The following CTR9 variants were observed in gnomAD, a reference collection of about 807,000 sequenced individuals.
The protein encoded by CTR9 is CTR9 component of Paf1/RNA polymerase II complex, also known as RNA polymerase-associated protein CTR9 homolog.
Under a neutral mutation model 152.1 loss-of-function variants are expected in CTR9, and 41 were observed. The observed-to-expected ratio is 0.27, with a 90% CI of 0.21 to 0.35. The LOEUF (loss-of-function observed/expected upper bound fraction) is 0.35, where lower values mean the gene tolerates loss of function less well. CTR9 is among the 10% of genes least tolerant of loss of function. CTR9 has a pLI of 1.00. For synonymous variants in CTR9, 476 were observed against 496.2 expected (o/e 0.96, Z 0.54); for missense variants, 917 against 1,424.4 (o/e 0.64, Z 5.73).
At chr11:10,772,947 A>T (rs1240275562) in intron 20 of CTR9, among the ~76,000 whole-genome samples, 180 bp from the exon 21 acceptor site, 2 of 152,084 alleles carry the variant, frequency 1.3e-5, no homozygotes, top group African/African-American at 4.8e-5. Context: ...GAATCACTTG[A>T]ACCTGGGAGG....
chr11:10,767,694 A>G lies in CTR9; in HGVS notation c.1687-112A>G. On this transcript the variant is annotated intron_variant, in intron 13 of 24. Coordinates refer to ENST00000361367, the MANE Select transcript of CTR9 (RefSeq NM_014633.5). This position sits in a 1 kb window ranked among gnomAD's most constrained non-coding sequence, Gnocchi z 4.0. ...AGAAAGAAAGAAAAGAAAGAAAACC[A>G]CTGTTGTAATATAGTTTGTAAACCT... The G allele has an allele frequency of 1.1e-6, 1 of 885,436 alleles. No individual in the cohort carries two copies. The highest frequency in any genetic ancestry group is 1.7e-5 in the African/African-American group (1 of 58,976). The allele number at this position is 885,436 out of a possible 1,614,324, so 54.8% of individuals were successfully genotyped here.
intron 24 of CTR9, among the ~76,000 whole-genome samples, chr11:10,777,189 G>T (rs61871740): frequency 3.3e-5 from 5 of 151,960 alleles, no homozygotes; most frequent in Non-Finnish European, 7.4e-5. Context: ...GGAGGCTAAG[G>T]CTTCTGGTGG....
At chr11:10,754,354 TCAACTAGATAAG>T (rs1862851780) in intron 2 of CTR9, among the ~76,000 whole-genome samples, 1 of 152,212 alleles carries the variant, frequency 6.6e-6, no homozygotes, top group Admixed American at 6.5e-5. Context: ...TAGTTAGAAA[TCAACTAGATAAG>T]CAGCAGATTG....
intron 24 of CTR9, among the ~76,000 whole-genome samples, chr11:10,778,354 C>G (rs1338873211): frequency 6.6e-6 from 1 of 152,176 alleles, no homozygotes; most frequent in Admixed American, 6.5e-5. Context: ...TGTATCCCTT[C>G]CTTTTCATAA....
chr11:10,752,110 G>C (rs1027794948), intron 1 of CTR9, among the ~76,000 whole-genome samples: 4 of 152,042 alleles, frequency 2.6e-5, no homozygotes, highest in African/African-American at 9.7e-5. Context: ...TTTTGTTTGA[G>C]ATATAATATT....
chr11:10,764,769 T>G (rs370534170), intron 12 of CTR9, 38 bp downstream of exon 12: 2 of 1,514,540 alleles, frequency 1.3e-6, no homozygotes, highest in Non-Finnish European at 1.8e-6. Context: ...TGAAATCCGT[T>G]CATTCCCACA....
chr11:10,751,538 A>G, intron 1 of CTR9, 81 bp downstream of exon 1: 2 of 1,348,718 alleles, frequency 1.5e-6, no homozygotes, highest in Middle Eastern at 1.9e-4. Context: ...TTCGTTTCTG[A>G]AGCGAGAGCA....
intron 24 of CTR9, 146 bp downstream of exon 24, chr11:10,775,779 T>A (rs1167637640): frequency 4.0e-5 from 21 of 524,050 alleles, no homozygotes; most frequent in Non-Finnish European, 6.5e-5. Context: ...ACTTGAAAAT[T>A]GGAGGAAATA....
intron 21 of CTR9, 124 bp from the exon 22 acceptor site, chr11:10,773,884 CAAAA>C (rs11386264): frequency 8.1e-4 from 327 of 402,270 alleles, no homozygotes; most frequent in South Asian, 1.7e-3. Flanking sequence ...GACTTCATCT[CAAAA>C]AAAAAAAAAA....
chr11:10,754,581 C>G (rs771615211), intron 2 of CTR9, among the ~76,000 whole-genome samples: 1 of 152,166 alleles, frequency 6.6e-6, no homozygotes, highest in Non-Finnish European at 1.5e-5. Flanking sequence ...AAGTCCCCCA[C>G]CCCACCCCTA....
intron 24 of CTR9, 122 bp from the exon 25 acceptor site, chr11:10,778,557 C>T (rs1400368043): frequency 4.7e-6 from 4 of 846,550 alleles, no homozygotes; most frequent in Non-Finnish European, 7.3e-6. Context: ...ACCTGTGTAA[C>T]CACTATTTAG....
intron 23 of CTR9, 78 bp downstream of exon 23, chr11:10,775,381 T>G: frequency 7.0e-7 from 1 of 1,435,150 alleles, no homozygotes; most frequent in Non-Finnish European, 9.7e-7. Context: ...ATTCTTTCCT[T>G]GCAGCTTTCT....
In CTR9 at chr11:10,752,782, T is replaced by C. The variant is rs1564963930; in HGVS notation, c.144+12T>C. The C allele has an allele frequency of 8.8e-6, 14 of 1,598,370 alleles. No individual in the cohort carries two copies. The highest frequency in any genetic ancestry group is 1.2e-5 in the Non-Finnish European group (14 of 1,167,924). ...GGATTGCTTTGGCGGTCAGTATTCATGTAGCAAATATTTTTTATTTGTTGA... is the reference window on the plus strand; with the variant it reads ...GGATTGCTTTGGCGGTCAGTATTCACGTAGCAAATATTTTTTATTTGTTGA... On this transcript the variant is annotated intron_variant, in intron 2 of 24. Transcript: ENST00000361367.
rs202173615 is a variant in CTR9, at chr11:10,763,839, A to G, written c.1154A>G (p.Tyr385Cys). Residue 385 changes from tyrosine to cysteine, a missense_variant, in exon 9 of 25, where the codon TAT becomes TGT. Physicochemically the swap from Tyr to Cys is radical, Grantham distance 194 (BLOSUM62 -2). This residue lies in a region of CTR9 where 133 missense variants were observed against 244.1 expected (regional missense o/e 0.54). Transcript: ENST00000361367. Reference protein sequence around the residue: ...YETMKILGSLYAASEDQEKRD... With the variant: ...YETMKILGSLCAASEDQEKRD... ...ACTATGAAAATTCTCGGCTCTCTCT[A>G]TGCTGCCTCAGAAGATCAAGAAAAA... 31 of 1,612,872 alleles carry G rather than the reference A, an allele frequency of 1.9e-5. No homozygotes were observed. The Admixed American group carries it at 3.3e-4, about 17-fold the overall frequency.
chr11:10,767,720 C>T lies in CTR9; in HGVS notation c.1687-86C>T. ...CTGTTGTAATATAGTTTGTAAACCT[C>T]TTCAGTAATCAGCTATTGTGGGAAG... On this transcript the variant is annotated intron_variant, in intron 13 of 24. Coordinates refer to ENST00000361367, the MANE Select transcript of CTR9 (RefSeq NM_014633.5). This position sits in a 1 kb window ranked among gnomAD's most constrained non-coding sequence, Gnocchi z 4.0. The T allele has an allele frequency of 2.6e-6, 3 of 1,169,974 alleles. No individual in the cohort carries two copies. Among genetic ancestry groups the T allele is most frequent in the Non-Finnish European group, 3.7e-6 (3 of 802,116 alleles). 72.5% of individuals were successfully genotyped at this position (1,169,974 alleles called of 1,614,324 possible).
rs143951897 is a variant in CTR9, at chr11:10,778,729, G to A, written c.3146G>A (p.Arg1049Gln). ...AGTGACTCAGACGAGGACGAACAAC[G>A]AAAGAAATGTGCCTCATCAGAGAGT... The part of the protein sequence containing the change: ...SNSDSDEDEQ[R>Q]KKCASSESDS... The change falls in exon 25 of 25, where the codon CGA (arginine) becomes CAA (glutamine). Residue 1049 changes from arginine (R) to glutamine (Q), a missense_variant. Around this residue, in one of 9 missense-constraint regions of CTR9, gnomAD observed 384 missense variants for 398.4 expected, o/e 0.96. Coordinates refer to ENST00000361367, the MANE Select transcript of CTR9 (RefSeq NM_014633.5). The A allele has an allele frequency of 7.9e-5, 127 of 1,614,040 alleles. No homozygotes were observed. The African/African-American group carries it at 1.3e-3, about 17-fold the overall frequency.
chr11:10,773,531 T>C (rs909831043), intron 21 of CTR9, among the ~76,000 whole-genome samples: 2 of 152,172 alleles, frequency 1.3e-5, no homozygotes, highest in Non-Finnish European at 2.9e-5. Context: ...GTTGAGACTT[T>C]CGTCTCAATT....
chr11:10,773,076 A>C, intron 20 of CTR9, 51 bp from the exon 21 acceptor site: 1 of 1,568,182 alleles, frequency 6.4e-7, no homozygotes, highest in Non-Finnish European at 8.6e-7. Flanking sequence ...TTAATTTTTC[A>C]TCATAAGAAA....
intron 24 of CTR9, among the ~76,000 whole-genome samples, chr11:10,776,574 G>A (rs1407027099): frequency 6.6e-6 from 1 of 152,172 alleles, no homozygotes; most frequent in Non-Finnish European, 1.5e-5. Context: ...AACATCGAGT[G>A]TGTGAGACAG....
Sources: gnomAD v4.1 joint callset for allele counts (sites outside exome capture counted in the v4.1 genomes callset) on GRCh38, gnomAD v4.1.1 for gene constraint, gnomAD v4.1.1 regional missense constraint, Gnocchi (gnomAD v3.1) non-coding constraint, MANE v1.5 for transcripts, NCBI Gene and HGNC (gene_info 2026-07-23, HGNC 2026-07-21) for gene names.